NAV1: variants seen among roughly 807,000 people sequenced by gnomAD.
NAV1 encodes the protein neuron navigator 1.
In NAV1, 18 loss-of-function variants were observed where a neutral mutation model predicts 175.2. That is an observed-to-expected ratio of 0.10 (90% CI 0.07 to 0.15). NAV1 has a LOEUF of 0.15. Among genes scored for constraint, NAV1 ranks in the 10% least tolerant of loss-of-function variants. NAV1 has a pLI of 1.00. For missense variants in NAV1, 1,731 were observed against 2,436.6 expected (o/e 0.71, Z 6.10); for synonymous variants, 897 against 978.7 (o/e 0.92, Z 1.56).
At chr1:201,614,260 G>T (rs1353884846) in intron 2 of NAV1, among the ~76,000 whole-genome samples, 1 of 152,110 alleles carries the variant, frequency 6.6e-6, no homozygotes, top group Non-Finnish European at 1.5e-5. Flanking sequence ...TGACCTTTTC[G>T]AAATGGGTAT....
At chr1:201,592,183 A>T (rs1667219736) in intron 2 of NAV1, among the ~76,000 whole-genome samples, 1 of 152,194 alleles carries the variant, frequency 6.6e-6, no homozygotes, top group South Asian at 2.1e-4. Flanking sequence ...TTAGCATTTT[A>T]AAAAGCTGCC....
chr1:201,556,437 A>G (rs1236093751), intron 1 of NAV1, among the ~76,000 whole-genome samples: 1 of 148,686 alleles, frequency 6.7e-6, no homozygotes, highest in Non-Finnish European at 1.5e-5. Context: ...AAAAAAAAAA[A>G]GGTCTGGTAA....
intron 1 of NAV1, among the ~76,000 whole-genome samples, chr1:201,700,564 AC>A (rs1166512254): frequency 1.3e-5 from 2 of 152,206 alleles, no homozygotes; most frequent in Non-Finnish European, 2.9e-5. Flanking sequence ...ATACCATTTG[AC>A]CCAGCGATTC....
intron 14 of NAV1, 152 bp downstream of exon 18, chr1:201,794,027 A>G: frequency 1.4e-6 from 1 of 724,880 alleles, no homozygotes; most frequent in South Asian, 1.5e-5. Context: ...CCCCCAATAC[A>G]GTGTGAGCAT....
chr1:201,753,820 G>C (rs537194106), intron 3 of NAV1, among the ~76,000 whole-genome samples: 35 of 152,152 alleles, frequency 2.3e-4, no homozygotes, highest in Non-Finnish European at 3.4e-4. Context: ...TGTTTGGTGG[G>C]TAAATGTGCA....
At chr1:201,803,267 G>A (rs1351283174) in intron 15 of NAV1, among the ~76,000 whole-genome samples, 3 of 152,152 alleles carry the variant, frequency 2.0e-5, no homozygotes, top group Non-Finnish European at 4.4e-5. Flanking sequence ...AAAATGGTAG[G>A]TTGATATCTC....
intron 3 of NAV1, among the ~76,000 whole-genome samples, chr1:201,767,914 TGAG>T (rs1675314058): frequency 6.6e-6 from 1 of 152,228 alleles, no homozygotes; most frequent in Non-Finnish European, 1.5e-5. Flanking sequence ...AACTTTGGAT[TGAG>T]GAAAGTCCAA....
At chr1:201,713,215 G>A (rs1671986336) in intron 2 of NAV1, among the ~76,000 whole-genome samples, 1 of 152,230 alleles carries the variant, frequency 6.6e-6, no homozygotes, top group South Asian at 2.1e-4. Flanking sequence ...TGTGATCTTT[G>A]ATAGTCAGTC....
At chr1:201,540,483 C>T (rs997903190) in intron 1 of NAV1, among the ~76,000 whole-genome samples, 1 of 152,194 alleles carries the variant, frequency 6.6e-6, no homozygotes, top group African/African-American at 2.4e-5. Flanking sequence ...TACATGAAGT[C>T]CCCGGCAACT....
At chr1:201,599,667 G>C (rs1667464164) in intron 2 of NAV1, among the ~76,000 whole-genome samples, 1 of 152,142 alleles carries the variant, frequency 6.6e-6, no homozygotes, top group Non-Finnish European at 1.5e-5. Flanking sequence ...CTCTTACTAG[G>C]AGGGGGAACC....
intron 2 of NAV1, among the ~76,000 whole-genome samples, chr1:201,634,540 A>G (rs1668562318): frequency 1.3e-5 from 2 of 152,168 alleles, no homozygotes; most frequent in African/African-American, 4.8e-5. Flanking sequence ...AGGGGCTATG[A>G]AGGAAGAGGC....
chr1:201,773,598 G>A (rs1417110646), intron 3 of NAV1, among the ~76,000 whole-genome samples: 1 of 152,168 alleles, frequency 6.6e-6, no homozygotes, highest in East Asian at 1.9e-4. Context: ...TACAATCAAT[G>A]ATGTGTTACA....
chr1:201,711,921 C>T (rs991470358), intron 1 of NAV1, among the ~76,000 whole-genome samples: 1 of 152,170 alleles, frequency 6.6e-6, no homozygotes, highest in Non-Finnish European at 1.5e-5. Context: ...GTCATTTGGA[C>T]GTTATTTTCA....
At chr1:201,728,807 C>T (rs1006215602) in intron 3 of NAV1, among the ~76,000 whole-genome samples, 3 of 152,100 alleles carry the variant, frequency 2.0e-5, no homozygotes, top group Non-Finnish European at 4.4e-5. Context: ...TCAGTCTGTG[C>T]AGCATTAATC....
intron 17 of NAV1, among the ~76,000 whole-genome samples, chr1:201,805,141 G>A (rs956488284): frequency 5.3e-5 from 8 of 152,160 alleles, no homozygotes; most frequent in Non-Finnish European, 8.8e-5. Flanking sequence ...GATACCTGAG[G>A]TCCACTCTAA....
chr1:201,567,694 C>A (rs16848971), intron 1 of NAV1, among the ~76,000 whole-genome samples: 3 of 152,032 alleles, frequency 2.0e-5, no homozygotes, highest in African/African-American at 7.3e-5. Flanking sequence ...GTCTACCTGC[C>A]GCTGCTTTGT....
At chr1:201,555,521 G>T (rs76156789) in intron 1 of NAV1, among the ~76,000 whole-genome samples, 5,682 of 152,170 alleles carry the variant, frequency 0.037, 162 homozygotes, top group South Asian at 0.11. Context: ...AGTCAGGAGG[G>T]TAAGCCAGTC....
chr1:201,822,869 T>C (rs1183250719), exon 30 of NAV1: 3 of 152,652 alleles, frequency 2.0e-5, no homozygotes, highest in African/African-American at 7.2e-5. Context: ...CTGAGCCTCC[T>C]CATGGTGCTA....
At chr1:201,708,467 C>T (rs1247671956) in intron 1 of NAV1, among the ~76,000 whole-genome samples, 4 of 150,658 alleles carry the variant, frequency 2.7e-5, no homozygotes, top group African/African-American at 9.7e-5. Flanking sequence ...CACACACATA[C>T]ACACACTTCA....
Sources: gnomAD v4.1 joint callset for allele counts (sites outside exome capture counted in the v4.1 genomes callset) on GRCh38, gnomAD v4.1.1 for gene constraint, MANE v1.5 for transcripts, NCBI Gene and HGNC (gene_info 2026-07-23, HGNC 2026-07-21) for gene names.